Variants in ADGRB3 observed in about 807,000 individuals in gnomAD.
The protein encoded by ADGRB3 is brain-specific angiogenesis inhibitor 3.
A neutral mutation model predicts 193.4 loss-of-function variants in ADGRB3; 37 were observed. The observed-to-expected ratio is 0.19, with a 90% CI of 0.15 to 0.25. The LOEUF (loss-of-function observed/expected upper bound fraction) is 0.25. ADGRB3 is among the 10% of genes least tolerant of loss of function. The pLI is 1.00. For synonymous variants in ADGRB3, 690 were observed against 644.2 expected, an observed-to-expected ratio of 1.07 and a Z score of -1.08; for missense variants, 1,637 against 1,852.9, an observed-to-expected ratio of 0.88 and a Z score of 2.14.
chr6:68,917,126 G>T (rs1029061391), intron 3 of ADGRB3, among the ~76,000 whole-genome samples: 1 of 152,084 alleles, frequency 6.6e-6, no homozygotes, highest in African/African-American at 2.4e-5. Context: ...TTACAGATTT[G>T]GAAAAGCTTT....
intron 6 of ADGRB3, among the ~76,000 whole-genome samples, chr6:68,944,382 T>C (rs1767720660): frequency 1.3e-5 from 2 of 152,112 alleles, no homozygotes; most frequent in Admixed American, 1.3e-4. Context: ...GTTATTCTCT[T>C]ACACTTATTC....
At chr6:68,895,361 T>G (rs779398194) in intron 3 of ADGRB3, among the ~76,000 whole-genome samples, 3 of 151,962 alleles carry the variant, frequency 2.0e-5, no homozygotes, top group African/African-American at 4.8e-5. Context: ...TTGAAAAACA[T>G]GTATTTAGTG....
chr6:69,063,708 T>C (rs999168381), intron 16 of ADGRB3, among the ~76,000 whole-genome samples: 1 of 152,028 alleles, frequency 6.6e-6, no homozygotes, highest in Non-Finnish European at 1.5e-5. Context: ...CATCTCAGAA[T>C]GAAAAGAACC....
intron 3 of ADGRB3, among the ~76,000 whole-genome samples, chr6:68,893,147 C>G (rs1331396582): frequency 1.3e-5 from 2 of 152,002 alleles, no homozygotes; most frequent in Non-Finnish European, 2.9e-5. Context: ...AAACAAAACT[C>G]TCAGATTGGC....
chr6:68,785,443 G>A (rs964003257), intron 3 of ADGRB3, among the ~76,000 whole-genome samples: 4 of 151,422 alleles, frequency 2.6e-5, no homozygotes, highest in African/African-American at 9.7e-5. Flanking sequence ...TGCTGAGAAT[G>A]ATGGTTTCCA....
chr6:68,863,716 G>A (rs544009112), intron 3 of ADGRB3, among the ~76,000 whole-genome samples: 3 of 151,990 alleles, frequency 2.0e-5, no homozygotes, highest in South Asian at 2.1e-4. Flanking sequence ...GGCTTTTATT[G>A]GATAGCTAAG....
intron 30 of ADGRB3, among the ~76,000 whole-genome samples, chr6:69,376,150 G>C (rs370903514): frequency 8.0e-5 from 11 of 136,978 alleles, no homozygotes; most frequent in Middle Eastern, 4.4e-3. Flanking sequence ...GAGTGCAGTG[G>C]TGCAATCTTG....
chr6:68,789,792 A>G lies in ADGRB3; in HGVS notation c.758-140767A>G, dbSNP rs113497720. ...CTCCCCATCACTTTCAGGTACACCA[A>G]TCAGACATAGATTTGGTCTTTTCAC... On this transcript the variant is annotated intron_variant, in intron 3 of 31. Coordinates refer to ENST00000370598, the MANE Select transcript of ADGRB3 (RefSeq NM_001704.3). 3.4e-3 allele frequency among the ~76,000 whole-genome samples: 518 copies of G among 152,334 alleles called. 1 individual carries two copies. Among genetic ancestry groups the G allele is most frequent in the African/African-American group, 1.0e-2 (414 of 41,596 alleles).
intron 3 of ADGRB3, among the ~76,000 whole-genome samples, chr6:68,754,111 A>T: frequency 6.6e-6 from 1 of 152,184 alleles, no homozygotes. Context: ...AGCAAGCAAG[A>T]TTAACTTTTC....
rs375754959 is a variant in ADGRB3 at position 69,203,566 on chromosome 6, A to G, written c.2481-29724A>G. On this transcript the variant is annotated intron_variant, in intron 17 of 31. Coordinates refer to ENST00000370598, the MANE Select transcript of ADGRB3 (RefSeq NM_001704.3). ...TCTTAAAAGCTCTCAATATTGCACC[A>G]TCATCCACAAGACAAAGGCAAGTCT... Among the ~76,000 whole-genome samples, 6 of 152,180 alleles carry G rather than the reference A, an allele frequency of 3.9e-5. No homozygotes were observed. The East Asian group carries it at 9.7e-4, about 24-fold the overall frequency.
chr6:69,305,416 T>C (rs1373039103), intron 20 of ADGRB3, among the ~76,000 whole-genome samples: 1 of 151,540 alleles, frequency 6.6e-6, no homozygotes, highest in African/African-American at 2.4e-5. Context: ...GATTATTTCT[T>C]TGTTGGAATC....
At chr6:69,299,344 C>G (rs1767903373) in intron 20 of ADGRB3, among the ~76,000 whole-genome samples, 1 of 151,638 alleles carries the variant, frequency 6.6e-6, no homozygotes, top group Non-Finnish European at 1.5e-5. Context: ...TCCTCCCATT[C>G]TTTTGGGAGC....
At chr6:69,287,315 C>T (rs1338925026) in intron 20 of ADGRB3, among the ~76,000 whole-genome samples, 1 of 152,108 alleles carries the variant, frequency 6.6e-6, no homozygotes, top group Non-Finnish European at 1.5e-5. Flanking sequence ...TCTCTTCAGT[C>T]TCCAGAGGAA....
intron 13 of ADGRB3, among the ~76,000 whole-genome samples, chr6:69,028,823 TAAAG>T (rs1325343923): frequency 2.6e-5 from 4 of 152,180 alleles, no homozygotes; most frequent in Admixed American, 6.5e-5. Flanking sequence ...GAGTACAACA[TAAAG>T]AAAGATATTT....
chr6:68,832,782 G>T (rs1767979423), intron 3 of ADGRB3, among the ~76,000 whole-genome samples: 1 of 152,080 alleles, frequency 6.6e-6, no homozygotes, highest in Admixed American at 6.5e-5. Context: ...GAGAGTGGGT[G>T]GACAGAAGTA....
chr6:68,921,212 A>G (rs1397252799), intron 3 of ADGRB3, among the ~76,000 whole-genome samples: 3 of 152,130 alleles, frequency 2.0e-5, no homozygotes, highest in Non-Finnish European at 2.9e-5. Context: ...CCCTATTAAA[A>G]GGAAGAGGGT....
intron 3 of ADGRB3, among the ~76,000 whole-genome samples, chr6:68,774,049 G>A (rs190487648): frequency 2.6e-5 from 4 of 152,184 alleles, no homozygotes; most frequent in South Asian, 4.1e-4. Context: ...AAAATTACAT[G>A]CAATGTATTT....
intron 29 of ADGRB3, among the ~76,000 whole-genome samples, chr6:69,369,183 T>C (rs1262641327): frequency 6.6e-6 from 1 of 152,148 alleles, no homozygotes; most frequent in African/African-American, 2.4e-5. Context: ...TACATAACAA[T>C]TTCCAATCAC....
intron 17 of ADGRB3, among the ~76,000 whole-genome samples, chr6:69,220,759 A>G (rs1362387851): frequency 6.6e-6 from 1 of 152,142 alleles, no homozygotes; most frequent in Non-Finnish European, 1.5e-5. Flanking sequence ...TTATTAACAT[A>G]TTAAGAAGTA....
Sources: gnomAD v4.1 joint callset for allele counts (sites outside exome capture counted in the v4.1 genomes callset) on GRCh38, gnomAD v4.1.1 for gene constraint, MANE v1.5 for transcripts, NCBI Gene and HGNC (gene_info 2026-07-23, HGNC 2026-07-21) for gene names.